Variants in PCCB observed in about 807,000 individuals in gnomAD.
PCCB encodes the protein propionyl-CoA carboxylase beta chain, mitochondrial.
PCCB carries 43 observed loss-of-function variants against 60.7 expected under a neutral mutation model. The observed-to-expected ratio is 0.71, with a 90% CI of 0.55 to 0.91. PCCB has a LOEUF of 0.91. PCCB is among the 40% of genes least tolerant of loss of function. The pLI is 0.00. For missense variants in PCCB, 766 were observed against 702.8 expected, an observed-to-expected ratio of 1.09 and a Z score of -1.02; for synonymous variants, 276 against 255.9, an observed-to-expected ratio of 1.08 and a Z score of -0.75.
At chr3:136,264,307 A>G (rs763480309) in intron 5 of PCCB, among the ~76,000 whole-genome samples, 5 of 151,778 alleles carry the variant, frequency 3.3e-5, no homozygotes, top group African/African-American at 7.3e-5. Context: ...ACATCGATTC[A>G]TCGATGTTAT....
chr3:136,267,373 T>C (rs1942032714), intron 5 of PCCB, among the ~76,000 whole-genome samples: 1 of 152,126 alleles, frequency 6.6e-6, no homozygotes, highest in African/African-American at 2.4e-5. Flanking sequence ...ATTTCTTTTG[T>C]GTGTAGAGAT....
At chr3:136,286,745 C>G (rs1161076858) in intron 6 of PCCB, among the ~76,000 whole-genome samples, 1 of 152,152 alleles carries the variant, frequency 6.6e-6, no homozygotes, top group Admixed American at 6.5e-5. Flanking sequence ...TGACTGGTCT[C>G]CCTGCTTCTG....
At chr3:136,328,286 A>G (rs1935407817) in intron 13 of PCCB, among the ~76,000 whole-genome samples, 1 of 152,152 alleles carries the variant, frequency 6.6e-6, no homozygotes, top group Non-Finnish European at 1.5e-5. Flanking sequence ...AGGTGCTCTG[A>G]CTTGAAGGCC....
intron 5 of PCCB, among the ~76,000 whole-genome samples, chr3:136,264,899 C>G (rs1406268290): frequency 8.1e-6 from 1 of 123,456 alleles, no homozygotes; most frequent in Admixed American, 8.6e-5. Context: ...AAAAAAAGAG[C>G]TTAATGCTTA....
chr3:136,280,061 A>C (rs1465746212), intron 5 of PCCB, among the ~76,000 whole-genome samples: 1 of 152,222 alleles, frequency 6.6e-6, no homozygotes, highest in Non-Finnish European at 1.5e-5. Flanking sequence ...TTTAAATCAC[A>C]TAGGAAAAAG....
At chr3:136,300,882 C>G in intron 8 of PCCB, 148 bp from the exon 9 acceptor site, 1 of 704,292 alleles carries the variant, frequency 1.4e-6, no homozygotes, top group Non-Finnish European at 2.6e-6. Context: ...AAAGGAATGA[C>G]TCTTTGGTGA....
Position 136,283,951 on chromosome 3 carries a change from A to C in PCCB, c.654+4A>C. On this transcript the variant is annotated splice_donor_region_variant and intron_variant, in intron 6 of 14. Transcript: ENST00000251654. ...AGACTTCACGTTCATGGTAAAGGTA[A>C]GAAAGAAGGGCCTGTTTTTGGTGCC... 2 of 1,577,148 alleles carry C rather than the reference A, an allele frequency of 1.3e-6. No individual in the cohort carries two copies. The highest frequency in any genetic ancestry group is 1.7e-6 in the Non-Finnish European group (2 of 1,146,578).
At chr3:136,265,029 A>G (rs1214518981) in intron 5 of PCCB, among the ~76,000 whole-genome samples, 3 of 151,754 alleles carry the variant, frequency 2.0e-5, no homozygotes, top group Non-Finnish European at 2.9e-5. Context: ...CCCTGTCTCT[A>G]CTAAAAATAC....
At chr3:136,295,322 CTTAGA>C (rs1933882540) in intron 7 of PCCB, among the ~76,000 whole-genome samples, 1 of 152,142 alleles carries the variant, frequency 6.6e-6, no homozygotes, top group South Asian at 2.1e-4. Context: ...TCAGTGAAGT[CTTAGA>C]TTAGATGAAA....
chr3:136,279,483 A>T (rs1436132607), intron 5 of PCCB, among the ~76,000 whole-genome samples: 2 of 152,026 alleles, frequency 1.3e-5, no homozygotes, highest in Non-Finnish European at 2.9e-5. Flanking sequence ...TGGGGATTAT[A>T]ATTAATATCT....
chr3:136,307,337 G>A lies in PCCB; in HGVS notation c.966+6226G>A, dbSNP rs763016031. On this transcript the variant is annotated intron_variant, in intron 9 of 14. Transcript: ENST00000251654. ...AATTCTAAGACTAAAACAGAAGTGG[G>A]GATGAGGGTAGAGAACAATGTATAA... Among the ~76,000 whole-genome samples the A allele has an allele frequency of 7.6e-5, 5 of 65,576 alleles. 2 individuals are homozygous for A. The highest frequency in any genetic ancestry group is 1.8e-4 in the Non-Finnish European group (4 of 22,830). 43.0% of individuals were successfully genotyped at this position (65,576 alleles called of 152,430 possible).
intron 9 of PCCB, among the ~76,000 whole-genome samples, chr3:136,305,035 G>A (rs1934412524): frequency 8.3e-6 from 1 of 120,524 alleles, no homozygotes; most frequent in African/African-American, 2.5e-5. Flanking sequence ...ACAGATTAGG[G>A]TCCCCCTCTT....
At chr3:136,255,785 A>T in intron 1 of PCCB, 71 bp from the exon 2 acceptor site, 1 of 1,413,298 alleles carries the variant, frequency 7.1e-7, no homozygotes, top group Non-Finnish European at 1.0e-6. Context: ...AAGCCCTCCC[A>T]TGAACAGCCC....
chr3:136,329,617 A>G (rs920210754), intron 14 of PCCB, among the ~76,000 whole-genome samples: 2 of 152,198 alleles, frequency 1.3e-5, no homozygotes, highest in East Asian at 3.9e-4. Flanking sequence ...TTTATTTCCT[A>G]TTGAATTCAT....
In PCCB at chr3:136,261,989, T is replaced by C. The variant is rs1559998737; in HGVS notation, c.467T>C (p.Ile156Thr). ...DQAITVGAPVIGLNDSGGARI... is the reference protein window; with the variant it reads ...DQAITVGAPVTGLNDSGGARI... ...GCCATAACGGTGGGGGCTCCAGTGA[T>C]TGGGCTGAATGACTCTGGGGGAGCA... The change falls in exon 5 of 15, where the codon ATT (isoleucine) becomes ACT (threonine). Residue 156 changes from isoleucine (I) to threonine (T), a missense_variant. Ile to Thr is a moderately conservative substitution (Grantham distance 89, BLOSUM62 -1). Coordinates refer to ENST00000251654, the MANE Select transcript of PCCB (RefSeq NM_000532.5). 6 of 1,561,940 alleles carry C rather than the reference T, an allele frequency of 3.8e-6. No homozygotes were observed. The highest frequency in any genetic ancestry group is 2.3e-5 in the East Asian group (1 of 42,564).
At chr3:136,253,856 C>T (rs1373085070) in intron 1 of PCCB, among the ~76,000 whole-genome samples, 1 of 151,450 alleles carries the variant, frequency 6.6e-6, no homozygotes, top group Non-Finnish European at 1.5e-5. Context: ...GCTTTGTTGC[C>T]CAGGCTGGTC....
At chr3:136,260,097 A>T (rs1455034336) in intron 3 of PCCB, 1 of 299,210 alleles carries the variant, frequency 3.3e-6, no homozygotes. Flanking sequence ...GTTTTGAGAC[A>T]GGGTCTTGCT....
chr3:136,326,238 A>G, intron 10 of PCCB: 3 of 669,904 alleles, frequency 4.5e-6, no homozygotes, highest in Admixed American at 4.6e-5. Context: ...GTATTGGGGT[A>G]ATACTGGTCT....
At chr3:136,272,759 G>A (rs576503784) in intron 5 of PCCB, among the ~76,000 whole-genome samples, 1 of 151,848 alleles carries the variant, frequency 6.6e-6, no homozygotes, top group East Asian at 1.9e-4. Flanking sequence ...TCTAATGGTC[G>A]ACCAATTTTG....
Sources: allele counts gnomAD v4.1 joint callset (sites outside exome capture counted in the v4.1 genomes callset), GRCh38; gene constraint gnomAD v4.1.1; transcripts MANE v1.5; gene names NCBI Gene and HGNC (gene_info 2026-07-23, HGNC 2026-07-21).